SSBP3: variants seen among roughly 807,000 people sequenced by gnomAD.
The protein encoded by SSBP3 is single-stranded DNA-binding protein 3.
SSBP3 carries 5 observed loss-of-function variants against 69.6 expected under a neutral mutation model. The ratio of observed to expected loss-of-function variants is 0.07; its 90% CI spans 0.04 to 0.15. The LOEUF (loss-of-function observed/expected upper bound fraction) is 0.15. SSBP3 is among the 10% of genes least tolerant of loss of function. SSBP3 has a pLI of 1.00. For synonymous variants in SSBP3, 196 were observed against 193.4 expected (o/e 1.01, Z -0.11); for missense variants, 312 against 534.0 (o/e 0.58, Z 4.10).
intron 5 of SSBP3, among the ~76,000 whole-genome samples, chr1:54,265,311 G>T (rs903651806): frequency 6.6e-6 from 1 of 151,948 alleles, no homozygotes; most frequent in South Asian, 2.1e-4. Context: ...GAAGGGTGTG[G>T]GTGTGTGTGT....
intron 4 of SSBP3, among the ~76,000 whole-genome samples, chr1:54,347,471 G>T (rs1646708318): frequency 6.6e-6 from 1 of 151,890 alleles, no homozygotes; most frequent in African/African-American, 2.4e-5. Context: ...ACAGTGCTGG[G>T]ATTACAGGCA....
Position 54,251,347 on chromosome 1 carries a change from T to C in SSBP3, c.651+269A>G, listed in dbSNP as rs997812100. ...TAGGCTACCGCACCCCAAAAGGGTC[T>C]GCCAACTAGAAGGCCTCAGCTGTCC... On this transcript the variant is annotated intron_variant, in intron 9 of 17. Coordinates refer to ENST00000610401, the Ensembl canonical transcript of SSBP3. 2.0e-5 allele frequency among the ~76,000 whole-genome samples: 3 copies of C among 152,200 alleles called. No individual in the cohort carries two copies. The South Asian group carries it at 6.2e-4, about 31-fold the overall frequency.
intron 4 of SSBP3, among the ~76,000 whole-genome samples, chr1:54,329,020 T>A (rs1224325056): frequency 1.3e-5 from 2 of 152,206 alleles, no homozygotes. Flanking sequence ...GGTACCTAGA[T>A]CCTGCCTGTT....
intron 4 of SSBP3, among the ~76,000 whole-genome samples, chr1:54,291,920 A>G (rs977218613): frequency 1.3e-5 from 2 of 152,224 alleles, no homozygotes; most frequent in Admixed American, 6.5e-5. Flanking sequence ...AGTGCTGCCA[A>G]TGGGGAACCT....
intron 4 of SSBP3, among the ~76,000 whole-genome samples, chr1:54,392,696 G>A (rs937886316): frequency 1.3e-5 from 2 of 152,136 alleles, no homozygotes; most frequent in African/African-American, 2.4e-5. Context: ...CACTTCTCAA[G>A]GCTCAGAGCC....
At chr1:54,407,783 C>T (rs768436707), upstream of SSBP3, among the ~76,000 whole-genome samples, 61 of 121,964 alleles carry the variant, frequency 5.0e-4, no homozygotes, top group Non-Finnish European at 7.6e-4. Context: ...TTTTTAACTG[C>T]GCTGTTCCAA....
intron 4 of SSBP3, among the ~76,000 whole-genome samples, chr1:54,398,887 CCA>C (rs1649084489): frequency 6.6e-6 from 1 of 152,112 alleles, no homozygotes; most frequent in Non-Finnish European, 1.5e-5. Context: ...CACAAACTCC[CCA>C]CACCCTGAGA....
chr1:54,331,053 G>A (rs889793648), intron 4 of SSBP3, among the ~76,000 whole-genome samples: 1 of 152,212 alleles, frequency 6.6e-6, no homozygotes, highest in African/African-American at 2.4e-5. Flanking sequence ...TTAGTACACA[G>A]AAAGCCCTTC....
chr1:54,358,549 CAGG>C (rs1023577480), intron 4 of SSBP3, among the ~76,000 whole-genome samples: 2 of 152,194 alleles, frequency 1.3e-5, no homozygotes, highest in Admixed American at 1.3e-4. Flanking sequence ...AGCTGCTTGA[CAGG>C]AGAAGGGGAG....
At chr1:54,327,909 T>C (rs1646338347) in intron 4 of SSBP3, among the ~76,000 whole-genome samples, 1 of 152,200 alleles carries the variant, frequency 6.6e-6, no homozygotes, top group Non-Finnish European at 1.5e-5. Context: ...AGTTGTCCTT[T>C]AAGCACATTT....
At chr1:54,288,250 C>T (rs1161552896) in intron 4 of SSBP3, among the ~76,000 whole-genome samples, 1 of 152,188 alleles carries the variant, frequency 6.6e-6, no homozygotes, top group Admixed American at 6.5e-5. Flanking sequence ...ATCAGGATTC[C>T]AGCTCTGGCG....
At chr1:54,287,862 G>A (rs1459287602) in intron 4 of SSBP3, among the ~76,000 whole-genome samples, 2 of 152,148 alleles carry the variant, frequency 1.3e-5, no homozygotes, top group East Asian at 1.9e-4. Context: ...GGAGAACAGG[G>A]GCTCTAATTG....
intron 9 of SSBP3, among the ~76,000 whole-genome samples, chr1:54,250,055 C>T (rs1299982370): frequency 6.6e-6 from 1 of 152,230 alleles, no homozygotes; most frequent in Non-Finnish European, 1.5e-5. Flanking sequence ...AGAGCTGTAT[C>T]TGACTCAGGA....
At chr1:54,225,487 C>T (rs1178574347) in exon 18 of SSBP3, 2 of 1,137,408 alleles carry the variant, frequency 1.8e-6, no homozygotes, top group Non-Finnish European at 2.2e-6. Context: ...CGTACACAAA[C>T]TACAATGTAT....
At chr1:54,329,070 C>T (rs868803276) in intron 4 of SSBP3, among the ~76,000 whole-genome samples, 4 of 151,158 alleles carry the variant, frequency 2.6e-5, no homozygotes, top group Admixed American at 6.6e-5. Flanking sequence ...CTCTGTATGG[C>T]TTTCTTGACT....
At chr1:54,231,751 G>C (rs1348931190) in intron 14 of SSBP3, among the ~76,000 whole-genome samples, 1 of 152,136 alleles carries the variant, frequency 6.6e-6, no homozygotes, top group Non-Finnish European at 1.5e-5. Context: ...CTGGAGTGCA[G>C]TGGCGTGATC....
rs376946839 is a variant in SSBP3, at chr1:54,239,122, G to A, written c.927+7C>T. ...CTGATATGTAAATTATTAGAAAGCA[G>A]ACTTACGTTGGACCGGCTGCCTCCA... On this transcript the variant is annotated splice_region_variant and intron_variant, in intron 14 of 17. Coordinates refer to ENST00000610401, the Ensembl canonical transcript of SSBP3. The A allele has an allele frequency of 2.0e-4, 326 of 1,612,180 alleles. 1 individual carries two copies. In the African/African-American group the frequency reaches 3.8e-3, roughly 19 times the overall value.
At chr1:54,365,041 G>A (rs569015603) in intron 4 of SSBP3, among the ~76,000 whole-genome samples, 1 of 152,296 alleles carries the variant, frequency 6.6e-6, no homozygotes, top group Admixed American at 6.5e-5. Context: ...TGCACAGAGG[G>A]GCAGGAGGGA....
intron 4 of SSBP3, among the ~76,000 whole-genome samples, chr1:54,364,520 C>T (rs1203574343): frequency 6.6e-6 from 1 of 152,130 alleles, no homozygotes; most frequent in Non-Finnish European, 1.5e-5. Context: ...TGAGGCTTCT[C>T]AAAACAAAAC....
Sources: gnomAD v4.1 joint callset for allele counts (sites outside exome capture counted in the v4.1 genomes callset) on GRCh38, gnomAD v4.1.1 for gene constraint, MANE v1.5 for transcripts, NCBI Gene and HGNC (gene_info 2026-07-23, HGNC 2026-07-21) for gene names.